Variants in ID4 observed in about 807,000 individuals in gnomAD.
ID4 encodes the protein DNA-binding protein inhibitor ID-4.
A neutral mutation model predicts 8.6 loss-of-function variants in ID4; 9 were observed. The observed-to-expected ratio is 1.04, with a 90% CI of 0.63 to 1.82. The LOEUF is 1.82. Ranked by LOEUF, ID4 falls within the 40% of genes most tolerant of loss-of-function variation. ID4 has a pLI of 0.00. For synonymous variants in ID4, 180 were observed against 118.0 expected (o/e 1.53, Z -3.41); for missense variants, 270 against 235.1 (o/e 1.15, Z -0.97).
intron 1 of ID4, 162 bp from the exon 2 acceptor site, chr6:19,838,422 T>G (rs1761277118): frequency 1.1e-5 from 6 of 529,484 alleles, no homozygotes; most frequent in Non-Finnish European, 1.5e-5. Flanking sequence ...GTGGGCGCCC[T>G]GGGCTGTCAA....
At chr6:19,838,983 A>C in intron 2 of ID4, 1 of 280,916 alleles carries the variant, frequency 3.6e-6, no homozygotes, top group Non-Finnish European at 6.7e-6. Context: ...GCAGTCTGTC[A>C]CCCACAAAGG....
At position 19,837,542 on chromosome 6, in the gene ID4, T is replaced by C. The variant is rs1381390831; in HGVS notation, c.-213T>C. 1.3e-5 allele frequency: 3 copies of C among 223,436 alleles called. No homozygotes were observed. Among genetic ancestry groups the C allele is most frequent in the Non-Finnish European group, 2.5e-5 (3 of 120,798 alleles). The allele number at this position is 223,436 out of a possible 1,614,324, so 13.8% of individuals were successfully genotyped here. On this transcript the variant is annotated 5_prime_UTR_variant, in exon 1 of 3. Coordinates refer to ENST00000378700, the MANE Select transcript of ID4 (RefSeq NM_001546.4). ...CTTTTGCTTTTTTTTTCCTTTGGGCTCGGGCTGAGTGTCGCCCACTGAGCA... is the reference window on the plus strand; with the variant it reads ...CTTTTGCTTTTTTTTTCCTTTGGGCCCGGGCTGAGTGTCGCCCACTGAGCA...
In ID4 at chr6:19,837,648, G is replaced by C. The variant is rs530984916; in HGVS notation, c.-107G>C. 1.3e-6 allele frequency: 1 copy of C among 755,156 alleles called. No individual in the cohort carries two copies. The highest frequency in any genetic ancestry group is 1.9e-5 in the African/African-American group (1 of 52,854). The allele number at this position is 755,156 out of a possible 1,614,324, so 46.8% of individuals were successfully genotyped here. A position where few individuals can be genotyped will look rare whatever the true frequency, so the allele number is the denominator to read the frequency against. On this transcript the variant is annotated 5_prime_UTR_variant, in exon 1 of 3. Transcript: ENST00000378700. Reference sequence around the variant, plus strand: ...TGTCGCGGTGCCCCGAGCGCGCCGGGCGCGGAGGCAAAGGGAGCGGAGCCG... The same window carrying C: ...TGTCGCGGTGCCCCGAGCGCGCCGGCCGCGGAGGCAAAGGGAGCGGAGCCG...
chr6:19,838,757 C>G (rs1761288662), intron 2 of ID4, 115 bp downstream of exon 2: 3 of 841,440 alleles, frequency 3.6e-6, no homozygotes, highest in Admixed American at 2.2e-5. Flanking sequence ...AGAGCAAACT[C>G]CCAAGGAAGT....
Position 19,838,101 on chromosome 6 carries a change from G to A in ID4, c.347G>A (p.Arg116Lys). 1 of 1,599,344 alleles carries A rather than the reference G, an allele frequency of 6.3e-7. No individual in the cohort carries two copies. The highest frequency in any genetic ancestry group is 8.5e-7 in the Non-Finnish European group (1 of 1,173,688). The change falls in exon 1 of 3, where the codon AGG (arginine) becomes AAG (lysine). Residue 116 changes from arginine (R) to lysine (K), a missense_variant. Transcript: ENST00000378700. Reference protein sequence around the residue: ...LALETHPALLRQPPPPAPPHH... With the variant: ...LALETHPALLKQPPPPAPPHH... ...CTGGAGACGCACCCGGCCCTGCTGAGGCAGCCACCACCGCCCGCGCCGCCA... is the reference window on the plus strand; with the variant it reads ...CTGGAGACGCACCCGGCCCTGCTGAAGCAGCCACCACCGCCCGCGCCGCCA...
In ID4 at chr6:19,840,104, G is replaced by A. The variant is rs913323504; in HGVS notation, c.*909G>A. The A allele has an allele frequency of 2.0e-5, 3 of 152,490 alleles. No homozygotes were observed. The highest frequency in any genetic ancestry group is 7.2e-5 in the African/African-American group (3 of 41,406). 9.4% of individuals were successfully genotyped at this position (152,490 alleles called of 1,614,324 possible). On this transcript the variant is annotated 3_prime_UTR_variant, in exon 3 of 3. Transcript: ENST00000378700. ...AAATCTTTGTATTTGAAGCATACAT[G>A]TTGAAAATACACCTTATCAGTTTTT... is the stretch of plus-strand genomic sequence containing the variant.
rs1761319260 is a variant in ID4 at position 19,839,757 on chromosome 6, TGA to T, written c.*565_*566del. The stretch of plus-strand genomic sequence containing the variant: ...TATATATAGAGATGTTCTATAAGTG[TGA>T]GAAAGTATATGCTTTAATAGATACT... On this transcript the variant is annotated 3_prime_UTR_variant, in exon 3 of 3. Transcript: ENST00000378700. 1 of 152,536 alleles carries T rather than the reference TGA, an allele frequency of 6.6e-6. No homozygotes were observed. Among genetic ancestry groups the T allele is most frequent in the African/African-American group, 2.4e-5 (1 of 41,440 alleles). 9.4% of individuals were successfully genotyped at this position (152,536 alleles called of 1,614,324 possible).
rs1761315410 is a variant in ID4, at chr6:19,839,658, G to C, written c.*463G>C. The C allele has an allele frequency of 6.6e-6, 1 of 152,168 alleles. No individual in the cohort carries two copies. Among genetic ancestry groups the C allele is most frequent in the Non-Finnish European group, 1.5e-5 (1 of 67,956 alleles). 9.4% of individuals were successfully genotyped at this position (152,168 alleles called of 1,614,324 possible). On this transcript the variant is annotated 3_prime_UTR_variant, in exon 3 of 3. Transcript: ENST00000378700. The stretch of plus-strand genomic sequence containing the variant: ...ATTGTTTAAAATAGATGATTATAAC[G>C]GGGCAGAGAACTTTCTTTTCTCTGC...
intron 1 of ID4, 35 bp from the exon 2 acceptor site, chr6:19,838,549 C>CTA: frequency 6.2e-7 from 1 of 1,613,936 alleles, no homozygotes; most frequent in Middle Eastern, 1.6e-4. Context: ...TTTGCGCCTG[C>CTA]TAACCTTTCC....
Position 19,837,865 on chromosome 6 carries a change from CTCCGCA to C in ID4, c.112_117del (p.Ser38_Ala39del). ...CCGAGCACGGCCACAGCCTGGGTGGCTCCGCAGCCGCGGCGGCGGCGGCGGCGGCAG... is the reference window on the plus strand; with the variant it reads ...CCGAGCACGGCCACAGCCTGGGTGGCGCCGCGGCGGCGGCGGCGGCGGCAG... On this transcript the variant is annotated inframe_deletion, in exon 1 of 3. Coordinates refer to ENST00000378700, the MANE Select transcript of ID4 (RefSeq NM_001546.4). The C allele has an allele frequency of 7.9e-7, 1 of 1,266,350 alleles. No homozygotes were observed. Among genetic ancestry groups the C allele is most frequent in the Non-Finnish European group, 9.9e-7 (1 of 1,006,292 alleles). 78.4% of individuals were successfully genotyped at this position (1,266,350 alleles called of 1,614,324 possible). A position where few individuals can be genotyped will look rare whatever the true frequency, so the allele number is the denominator to read the frequency against.
In ID4 at chr6:19,839,244, A is replaced by G. The variant is rs1761305225; in HGVS notation, c.*49A>G. On this transcript the variant is annotated 3_prime_UTR_variant, in exon 3 of 3. Coordinates refer to ENST00000378700, the MANE Select transcript of ID4 (RefSeq NM_001546.4). ...CGCCTGAGCCCGAGCCAGGAGCACT[A>G]GAGAGGGAGGGGGAAGAGCAGAAGT... is the stretch of plus-strand genomic sequence containing the variant. The G allele has an allele frequency of 6.5e-6, 1 of 152,724 alleles. No individual in the cohort carries two copies. 9.5% of individuals were successfully genotyped at this position (152,724 alleles called of 1,614,324 possible).
Position 19,837,470 on chromosome 6 carries a change from C to T in ID4, c.-285C>T, listed in dbSNP as rs1761240312. 1 of 161,670 alleles carries T rather than the reference C, an allele frequency of 6.2e-6. No individual in the cohort carries two copies. The highest frequency in any genetic ancestry group is 2.4e-5 in the African/African-American group (1 of 41,608). 10.0% of individuals were successfully genotyped at this position (161,670 alleles called of 1,614,324 possible). ...CCGCGATCGGGCTTAGTCGGAGCTC[C>T]GAAGGGAGTGACTAGGACACCCGGG... On this transcript the variant is annotated 5_prime_UTR_variant, in exon 1 of 3. Coordinates refer to ENST00000378700, the MANE Select transcript of ID4 (RefSeq NM_001546.4).
chr6:19,841,555 G>A lies in ID4; in HGVS notation c.*2360G>A. On this transcript the variant is annotated 3_prime_UTR_variant, in exon 3 of 3. Coordinates refer to ENST00000378700, the MANE Select transcript of ID4 (RefSeq NM_001546.4). ...CAAATGGGTATTTTTGGGTTTTGAG[G>A]ATAGATGTTACTCCTTAAAGTTTGT... is the stretch of plus-strand genomic sequence containing the variant. 6.6e-6 allele frequency among the ~76,000 whole-genome samples: 1 copy of A among 152,122 alleles called. No homozygotes were observed.
intron 1 of ID4, 97 bp from the exon 2 acceptor site, chr6:19,838,487 G>C: frequency 6.5e-7 from 1 of 1,534,944 alleles, no homozygotes; most frequent in South Asian, 1.1e-5. Context: ...TGGGGGCGTC[G>C]GCGCGCCAGC....
Position 19,838,600 on chromosome 6 carries a change from A to G in ID4, c.458A>G (p.Lys153Arg), listed in dbSNP as rs1023101128. The G allele has an allele frequency of 6.2e-7, 1 of 1,613,928 alleles. No individual in the cohort carries two copies. Among genetic ancestry groups the G allele is most frequent in the Non-Finnish European group, 8.5e-7 (1 of 1,179,872 alleles). ...CTGTTCCAGGCCGGCGCGGTGAACAAGCAGGGCGACAGCATTCTGTGCCGC... is the reference window on the plus strand; with the variant it reads ...CTGTTCCAGGCCGGCGCGGTGAACAGGCAGGGCGACAGCATTCTGTGCCGC... ...LNTDPAGAVN[K>R]QGDSILCR Residue 153 changes from lysine (K) to arginine (R), a missense_variant, in exon 2 of 3, where the codon AAG (lysine) becomes AGG (arginine). This residue lies in a region of ID4 where 107 missense variants were observed against 81.0 expected (regional missense o/e 1.32). Transcript: ENST00000378700.
intron 1 of ID4, 63 bp from the exon 2 acceptor site, chr6:19,838,521 A>G: frequency 6.2e-7 from 1 of 1,604,988 alleles, no homozygotes; most frequent in South Asian, 1.1e-5. Flanking sequence ...ACAATCCAGG[A>G]CCGTGTCGAG....
chr6:19,838,292 G>T, intron 1 of ID4, 97 bp downstream of exon 1: 1 of 1,170,926 alleles, frequency 8.5e-7, no homozygotes, highest in East Asian at 3.3e-5. Flanking sequence ...CTCCGGGCAG[G>T]GGCGGGCCAG....
chr6:19,839,746 T>C lies in ID4; in HGVS notation c.*551T>C, dbSNP rs1394970633. On this transcript the variant is annotated 3_prime_UTR_variant, in exon 3 of 3. Coordinates refer to ENST00000378700, the MANE Select transcript of ID4 (RefSeq NM_001546.4). ...TTCATACCATGTATATATAGAGATGTTCTATAAGTGTGAGAAAGTATATGC... is the reference window on the plus strand; with the variant it reads ...TTCATACCATGTATATATAGAGATGCTCTATAAGTGTGAGAAAGTATATGC... 2 of 152,612 alleles carry C rather than the reference T, an allele frequency of 1.3e-5. No homozygotes were observed. Among genetic ancestry groups the C allele is most frequent in the Admixed American group, 6.5e-5 (1 of 15,280 alleles). 9.5% of individuals were successfully genotyped at this position (152,612 alleles called of 1,614,324 possible).
Position 19,840,527 on chromosome 6 carries a change from ATTAAC to A in ID4, c.*1337_*1341del, listed in dbSNP as rs757143724. 41 of 152,742 alleles carry A rather than the reference ATTAAC, an allele frequency of 2.7e-4. No homozygotes were observed. Among genetic ancestry groups the A allele is most frequent in the Non-Finnish European group, 4.6e-4 (31 of 67,998 alleles). 9.5% of individuals were successfully genotyped at this position (152,742 alleles called of 1,614,324 possible). A position where few individuals can be genotyped will look rare whatever the true frequency, so the allele number is the denominator to read the frequency against. On this transcript the variant is annotated 3_prime_UTR_variant, in exon 3 of 3. Transcript: ENST00000378700. ...CAGGGATAAAAGTCGATCTTCAAAC[ATTAAC>A]TTAAGCAGACCAAAAATTCTGATGA... is the stretch of plus-strand genomic sequence containing the variant.
Sources: allele counts gnomAD v4.1 joint callset (sites outside exome capture counted in the v4.1 genomes callset), GRCh38; gene constraint gnomAD v4.1.1; regional missense constraint gnomAD v4.1.1; transcripts MANE v1.5; gene names NCBI Gene and HGNC (gene_info 2026-07-23, HGNC 2026-07-21).